Variants in KLK10 observed in about 807,000 individuals in gnomAD.
KLK10 encodes the protein kallikrein related peptidase 10, also known as kallikrein-10.
A neutral mutation model predicts 25.7 loss-of-function variants in KLK10; 27 were observed. That is an observed-to-expected ratio of 1.05 (90% CI 0.77 to 1.45). The LOEUF is 1.45. KLK10 is among the 40% of genes most tolerant of loss of function. The pLI is 0.00. For synonymous variants in KLK10, 173 were observed against 160.1 expected (o/e 1.08, Z -0.61); for missense variants, 386 against 370.0 (o/e 1.04, Z -0.35).
Position 51,014,912 on chromosome 19 carries a change from T to G in KLK10, c.719A>C (p.Gln240Pro). Residue 240 changes from glutamine (Q) to proline (P), a missense_variant, in exon 6 of 6, where the codon CAA becomes CCA. Gln to Pro is a moderately conservative substitution (Grantham distance 76). Transcript: ENST00000358789. ...GGPLVCDETL[Q>P]GILSWGVYPC... ...GTAAACACCCCACGAGAGGATGCCT[T>G]GGAGGGTCTCGTCACAGACCAGGGG... 6.2e-7 allele frequency: 1 copy of G among 1,613,970 alleles called. No individual in the cohort carries two copies. Among genetic ancestry groups the G allele is most frequent in the Non-Finnish European group, 8.5e-7 (1 of 1,179,978 alleles).
At position 51,019,292 on chromosome 19, in the gene KLK10, C is replaced by T. The variant is rs1600144317; in HGVS notation, c.-9-153G>A. ...CCCAGGGGCTGGCAGACGGGAGATT[C>T]GGGCTGGAACAGCGGTAATGGGCAC... On this transcript the variant is annotated intron_variant, in intron 1 of 5. Coordinates refer to ENST00000358789, the MANE Select transcript of KLK10 (RefSeq NM_145888.3). The surrounding 1 kb of genome is among the most constrained non-coding windows in gnomAD (Gnocchi z 4.2). 1.7e-6 allele frequency: 1 copy of T among 572,044 alleles called. No homozygotes were observed. Among genetic ancestry groups the T allele is most frequent in the Non-Finnish European group, 3.1e-6 (1 of 323,416 alleles). The allele number at this position is 572,044 out of a possible 1,614,324, so 35.4% of individuals were successfully genotyped here. A position where few individuals can be genotyped will look rare whatever the true frequency, so the allele number is the denominator to read the frequency against.
Position 51,013,564 on chromosome 19 carries a change from A to T in KLK10, c.*1236T>A, listed in dbSNP as rs2122390856. The T allele has an allele frequency of 6.5e-6, 1 of 153,378 alleles. No homozygotes were observed. The highest frequency in any genetic ancestry group is 1.9e-4 in the East Asian group (1 of 5,168). 9.5% of individuals were successfully genotyped at this position (153,378 alleles called of 1,614,324 possible). A position where few individuals can be genotyped will look rare whatever the true frequency, so the allele number is the denominator to read the frequency against. On this transcript the variant is annotated 3_prime_UTR_variant, in exon 6 of 6. Coordinates refer to ENST00000358789, the MANE Select transcript of KLK10 (RefSeq NM_145888.3). Reference sequence around the variant, plus strand: ...CTCAGCCTCCCAAGTAGATGGGATTATAGGTGCCTGCCACCATGCCTGGCT... The same window carrying T: ...CTCAGCCTCCCAAGTAGATGGGATTTTAGGTGCCTGCCACCATGCCTGGCT...
chr19:51,018,930 G>T (rs1214428009), intron 2 of KLK10, 113 bp downstream of exon 2: 5 of 809,256 alleles, frequency 6.2e-6, no homozygotes, highest in Non-Finnish European at 1.0e-5. Flanking sequence ...CGCTGGGTGG[G>T]TGCTGGGGTC....
chr19:51,016,116 G>A lies in KLK10; in HGVS notation c.310C>T (p.Leu104Phe). 2 of 1,586,264 alleles carry A rather than the reference G, an allele frequency of 1.3e-6. No individual in the cohort carries two copies. Residue 104 changes from leucine (L) to phenylalanine (F), a missense_variant, in exon 4 of 6, where the codon CTT becomes TTT. Coordinates refer to ENST00000358789, the MANE Select transcript of KLK10 (RefSeq NM_145888.3). ...ARVGDDHLLL[L>F]QGEQLRRTTR... is the part of the protein sequence containing the mutation. ...GTCCGGCGGAGCTGCTCTCCCTGAA[G>A]AAGCAGCAGGTGGTCATCCCCTACT...
At position 51,017,143 on chromosome 19, in the gene KLK10, C is replaced by T. The variant is rs376238741; in HGVS notation, c.236G>A (p.Ser79Asn). 1.6e-5 allele frequency: 25 copies of T among 1,611,232 alleles called. No individual in the cohort carries two copies. The highest frequency in any genetic ancestry group is 2.1e-5 in the Non-Finnish European group (25 of 1,179,500). The change falls in exon 3 of 6, where the codon AGT becomes AAT. Residue 79 changes from serine to asparagine, a missense_variant. Physicochemically the swap from Ser to Asn is conservative, Grantham distance 46 (BLOSUM62 1). Transcript: ENST00000358789. ...GCAGTGCGCGGCCGTCAGCACCCAA[C>T]TCTGGTCCACCAGGACACCCGCGCA... ...FHCAGVLVDQ[S>N]WVLTAAHCGN...
Position 51,014,542 on chromosome 19 carries a change from G to A in KLK10, c.*258C>T, listed in dbSNP as rs10426. On this transcript the variant is annotated 3_prime_UTR_variant, in exon 6 of 6. Coordinates refer to ENST00000358789, the MANE Select transcript of KLK10 (RefSeq NM_145888.3). ...GCTCTCAGAGGCTGGGTGATGACCGGCTTCCTGGCTTCTCTGGAATAAACC... is the reference window on the plus strand; with the variant it reads ...GCTCTCAGAGGCTGGGTGATGACCGACTTCCTGGCTTCTCTGGAATAAACC... The A allele has an allele frequency of 0.19, 56,711 of 304,164 alleles. 5,733 individuals carry two copies. The highest frequency in any genetic ancestry group is 0.21 in the Non-Finnish European group (34,213 of 163,008). 18.8% of individuals were successfully genotyped at this position (304,164 alleles called of 1,614,324 possible). A position where few individuals can be genotyped will look rare whatever the true frequency, so the allele number is the denominator to read the frequency against.
intron 3 of KLK10, among the ~76,000 whole-genome samples, chr19:51,016,596 T>C (rs992803881): frequency 6.6e-5 from 10 of 150,744 alleles, no homozygotes; most frequent in Non-Finnish European, 1.3e-4. Flanking sequence ...AAATTTTTTA[T>C]TTTTTATTTT....
rs1426748751 is a variant in KLK10, at chr19:51,017,212, G to A, written c.167C>T (p.Ser56Leu). ...EAYGSPCARG[S>L]QPWQVSLFNG... The stretch of plus-strand genomic sequence containing the variant: ...GAAGAGCGAGACCTGCCAGGGCTGC[G>A]AGCCGCGCGCGCACGGGGAGCCATA... The change falls in exon 3 of 6, where the codon TCG becomes TTG. Residue 56 changes from serine to leucine, a missense_variant. Coordinates refer to ENST00000358789, the MANE Select transcript of KLK10 (RefSeq NM_145888.3). 3 of 1,612,298 alleles carry A rather than the reference G, an allele frequency of 1.9e-6. No individual in the cohort carries two copies. Among genetic ancestry groups the A allele is most frequent in the Admixed American group, 1.7e-5 (1 of 59,882 alleles).
At chr19:51,017,626 G>T (rs188761625) in intron 2 of KLK10, among the ~76,000 whole-genome samples, 42 of 151,920 alleles carry the variant, frequency 2.8e-4, no homozygotes, top group Non-Finnish European at 5.4e-4. Flanking sequence ...GGGAGGTAAG[G>T]GTGCGGGGAT....
In KLK10 at chr19:51,017,352, G is replaced by A. The variant is rs974437511; in HGVS notation, c.89-62C>T. The A allele has an allele frequency of 8.8e-6, 13 of 1,475,488 alleles. No individual in the cohort carries two copies. In the African/African-American group the frequency reaches 1.7e-4, roughly 19 times the overall value. The allele number at this position is 1,475,488 out of a possible 1,614,324, so 91.4% of individuals were successfully genotyped here. A position where few individuals can be genotyped will look rare whatever the true frequency, so the allele number is the denominator to read the frequency against. On this transcript the variant is annotated intron_variant, in intron 2 of 5. Transcript: ENST00000358789. ...GGCAGGGTCTGGGTTTGGGGTTGGA[G>A]CTGGGCTGTGGCACTGGACTGCGTT...
intron 3 of KLK10, 63 bp downstream of exon 3, chr19:51,017,047 C>T: frequency 1.4e-6 from 2 of 1,443,896 alleles, no homozygotes; most frequent in Non-Finnish European, 1.8e-6. Flanking sequence ...GCCCTGCCCG[C>T]TCCTCCCTGG....
chr19:51,015,353 C>T, intron 5 of KLK10, 64 bp downstream of exon 5: 1 of 1,576,122 alleles, frequency 6.3e-7, no homozygotes, highest in South Asian at 1.1e-5. Context: ...AGGGTCTGCT[C>T]TTTTCCCATA....
At position 51,015,955 on chromosome 19, in the gene KLK10, CT is replaced by C. The variant is rs1568563960; in HGVS notation, c.470del (p.Gln157ArgfsTer26). 1 of 1,588,474 alleles carries C rather than the reference CT, an allele frequency of 6.3e-7. No individual in the cohort carries two copies. The highest frequency in any genetic ancestry group is 2.3e-5 in the East Asian group (1 of 44,010). On this transcript the variant is annotated frameshift_variant, in exon 4 of 6. Coordinates refer to ENST00000358789, the MANE Select transcript of KLK10 (RefSeq NM_145888.3). LOFTEE classifies it high-confidence loss of function. ...VVLGPRVRAL[Q>X]LPYRCAQPGD... ...CGGGCTGAGCACAGCGGTAGGGAAG[CT>C]GCAGGGCCCGGACGCGGGGCCCCAG... is the stretch of plus-strand genomic sequence containing the variant.
Position 51,019,279 on chromosome 19 carries a change from C to A in KLK10, c.-9-140G>T, listed in dbSNP as rs986642360. On this transcript the variant is annotated intron_variant, in intron 1 of 5. Transcript: ENST00000358789. This position sits in a 1 kb window ranked among gnomAD's most constrained non-coding sequence, Gnocchi z 4.2. ...TGCAGCCGATAACCCCAGGGGCTGG[C>A]AGACGGGAGATTCGGGCTGGAACAG... The A allele has an allele frequency of 4.3e-5, 25 of 580,506 alleles. No individual in the cohort carries two copies. The highest frequency in any genetic ancestry group is 6.7e-5 in the Non-Finnish European group (22 of 330,300). 36.0% of individuals were successfully genotyped at this position (580,506 alleles called of 1,614,324 possible).
At position 51,016,097 on chromosome 19, in the gene KLK10, C is replaced by T. The variant is rs781235008; in HGVS notation, c.329G>A (p.Arg110His). 18 of 1,578,688 alleles carry T rather than the reference C, an allele frequency of 1.1e-5. No homozygotes were observed. The highest frequency in any genetic ancestry group is 9.3e-5 in the South Asian group (8 of 86,364). Residue 110 changes from arginine (R) to histidine (H), a missense_variant, in exon 4 of 6, where the codon CGC becomes CAC. By Grantham distance (29) the Arg-to-His change is conservative. Transcript: ENST00000358789. ...HLLLLQGEQL[R>H]RTTRSVVHPK... is the part of the protein sequence containing the mutation. ...ATGGACAACAGAGCGAGTGGTCCGG[C>T]GGAGCTGCTCTCCCTGAAGAAGCAG...
At chr19:51,017,036 C>A in intron 3 of KLK10, 74 bp downstream of exon 3, 2 of 1,394,578 alleles carry the variant, frequency 1.4e-6, no homozygotes, top group Non-Finnish European at 1.9e-6. Flanking sequence ...CGAGAGACCC[C>A]GCCCTGCCCG....
At chr19:51,016,195 T>C (rs2075687) in intron 3 of KLK10, 39 bp from the exon 4 acceptor site, 855,006 of 1,509,170 alleles carry the variant, frequency 0.57, 246,989 homozygotes, top group African/African-American at 0.84. Flanking sequence ...AAACCCTTCA[T>C]AGGGACTGGG....
chr19:51,018,756 G>A (rs2091370461), intron 2 of KLK10: 2 of 506,810 alleles, frequency 3.9e-6, no homozygotes, highest in Non-Finnish European at 7.1e-6. Flanking sequence ...GAGCGGGGCC[G>A]GGATGGGGCG....
chr19:51,017,155 A>G lies in KLK10; in HGVS notation c.224T>C (p.Leu75Pro), dbSNP rs1391146599. 2 of 1,611,694 alleles carry G rather than the reference A, an allele frequency of 1.2e-6. No homozygotes were observed. Among genetic ancestry groups the G allele is most frequent in the African/African-American group, 1.3e-5 (1 of 74,994 alleles). Residue 75 changes from leucine to proline, a missense_variant, in exon 3 of 6, where the codon CTG becomes CCG. Physicochemically the swap from Leu to Pro is moderately conservative, Grantham distance 98. Coordinates refer to ENST00000358789, the MANE Select transcript of KLK10 (RefSeq NM_145888.3). ...CGTCAGCACCCAACTCTGGTCCACC[A>G]GGACACCCGCGCAGTGGAACGAGAG... ...NGLSFHCAGVLVDQSWVLTAA... is the reference protein window; with the variant it reads ...NGLSFHCAGVPVDQSWVLTAA...
Sources: allele counts gnomAD v4.1 joint callset (sites outside exome capture counted in the v4.1 genomes callset), GRCh38; gene constraint gnomAD v4.1.1; non-coding constraint Gnocchi (gnomAD v3.1); transcripts MANE v1.5; gene names NCBI Gene and HGNC (gene_info 2026-07-23, HGNC 2026-07-21).